The following TUBGCP2 variants were observed in gnomAD, a reference collection of about 807,000 sequenced individuals.
TUBGCP2 encodes tubulin gamma complex component 2, also known as gamma-tubulin complex component 2.
In TUBGCP2, 55 loss-of-function variants were observed where a neutral mutation model predicts 92.2. That is an observed-to-expected ratio of 0.60 (90% confidence interval 0.48 to 0.75). TUBGCP2 has a LOEUF of 0.75. Among genes scored for constraint, TUBGCP2 ranks in the 30% least tolerant of loss-of-function variants. The probability of loss-of-function intolerance (pLI) is 0.00; values close to 1 mark genes in which losing one functional copy is unlikely to be tolerated. For synonymous variants in TUBGCP2, 533 were observed against 505.2 expected, an observed-to-expected ratio of 1.06 and a Z score of -0.74; for missense variants, 1,093 against 1,188.9, an observed-to-expected ratio of 0.92 and a Z score of 1.19.
intron 2 of TUBGCP2, among the ~76,000 whole-genome samples, chr10:133,300,809 G>T (rs779247099): frequency 6.6e-6 from 1 of 152,146 alleles, no homozygotes; most frequent in Non-Finnish European, 1.5e-5. Context: ...GGAGAGTAGC[G>T]ACTTACACTT....
Position 133,288,990 on chromosome 10 carries a change from C to G in TUBGCP2, c.1391G>C (p.Gly464Ala). The stretch of plus-strand genomic sequence containing the variant: ...AGCCACCGGGCAGGTGACGTCATGG[C>G]CACACTCTCTGACCACATTTAGATA... ...GKYLNVVREC[G>A]HDVTCPVAKE... The change falls in exon 10 of 18, where the codon GGC becomes GCC. Residue 464 changes from glycine to alanine, a missense_variant. Around this residue, in one of 3 missense-constraint regions of TUBGCP2, gnomAD observed 598 missense variants for 675.5 expected, o/e 0.89. Transcript: ENST00000252936. The G allele has an allele frequency of 1.2e-6, 2 of 1,613,800 alleles. No homozygotes were observed. Among genetic ancestry groups the G allele is most frequent in the African/African-American group, 1.3e-5 (1 of 75,048 alleles).
At chr10:133,283,661 T>C (rs1413458879) in intron 14 of TUBGCP2, among the ~76,000 whole-genome samples, 1 of 151,978 alleles carries the variant, frequency 6.6e-6, no homozygotes, top group South Asian at 2.1e-4. Flanking sequence ...CTGCACTCCG[T>C]GTCTCCCTGC....
At chr10:133,284,271 T>C (rs1473990332) in intron 13 of TUBGCP2, among the ~76,000 whole-genome samples, 1 of 152,226 alleles carries the variant, frequency 6.6e-6, no homozygotes, top group African/African-American at 2.4e-5. Flanking sequence ...GCGGGCTCCT[T>C]GGTGGACGGA....
In TUBGCP2 at chr10:133,306,007, T is replaced by A. The variant is rs187881484; in HGVS notation, c.-40+2816A>T. Among the ~76,000 whole-genome samples the A allele has an allele frequency of 3.3e-5, 5 of 152,266 alleles. No homozygotes were observed. The East Asian group carries it at 7.7e-4, about 24-fold the overall frequency. On this transcript the variant is annotated intron_variant, in intron 1 of 17. Transcript: ENST00000252936. ...TGCGTAGAGCTGTGGTAGAGAGAAG[T>A]GAAATCACCCTGAGAAAGCACAGAA...
intron 2 of TUBGCP2, chr10:133,302,354 C>T: frequency 4.6e-6 from 1 of 219,628 alleles, no homozygotes. Context: ...GGCGCTCACC[C>T]TGCACCCCGC....
At chr10:133,310,114 G>C (rs375387190), upstream of TUBGCP2, 123 of 1,612,122 alleles carry the variant, frequency 7.6e-5, no homozygotes, top group Non-Finnish European at 9.7e-5. Flanking sequence ...GGGGCATGGC[G>C]GTGGGGGAGG....
chr10:133,294,824 C>T (rs1412079721), intron 5 of TUBGCP2, among the ~76,000 whole-genome samples: 1 of 150,124 alleles, frequency 6.7e-6, no homozygotes, highest in East Asian at 2.0e-4. Flanking sequence ...CCGTGTTGCC[C>T]AGGCTGGCAG....
At chr10:133,308,094 G>A (rs943147018) in intron 1 of TUBGCP2, among the ~76,000 whole-genome samples, 3 of 152,142 alleles carry the variant, frequency 2.0e-5, no homozygotes, top group Non-Finnish European at 4.4e-5. Flanking sequence ...CTCCAGCCTG[G>A]GTGACAGACG....
rs1175998582 is a variant in TUBGCP2, at chr10:133,293,542, G to A, written c.824+20C>T. ...CCCCCACAACAGCGCAGGCTCCCAG[G>A]GACCGCGCCCGGTGCCCACCTGGTC... On this transcript the variant is annotated intron_variant, in intron 6 of 17. Transcript: ENST00000252936. 3.9e-6 allele frequency: 6 copies of A among 1,549,204 alleles called. No individual in the cohort carries two copies. In the African/African-American group the frequency reaches 5.5e-5, roughly 14 times the overall value.
At position 133,293,786 on chromosome 10, in the gene TUBGCP2, C is replaced by A. The variant is rs111354094; in HGVS notation, c.617-17G>T. ...GCAACGTGCCTGCGGGCACAGACAG[C>A]GCTGTGGCTCTGCAGCCCCCACTCC... On this transcript the variant is annotated splice_polypyrimidine_tract_variant and intron_variant, in intron 5 of 17. Coordinates refer to ENST00000252936, the MANE Select transcript of TUBGCP2 (RefSeq NM_006659.4). 3 of 1,566,050 alleles carry A rather than the reference C, an allele frequency of 1.9e-6. No individual in the cohort carries two copies. The African/African-American group carries it at 4.0e-5, about 21-fold the overall frequency.
chr10:133,309,816 G>T, upstream of TUBGCP2: 9 of 1,613,602 alleles, frequency 5.6e-6, no homozygotes, highest in Non-Finnish European at 7.6e-6. Flanking sequence ...CTGCTGCCAG[G>T]TGTTCGATGC....
intron 14 of TUBGCP2, among the ~76,000 whole-genome samples, chr10:133,283,657 T>C: frequency 7.0e-6 from 1 of 143,864 alleles, no homozygotes; most frequent in African/African-American, 2.9e-5. Flanking sequence ...TCTCCTGCAC[T>C]CCGTGTCTCC....
chr10:133,283,953 T>C lies in TUBGCP2; in HGVS notation c.2074A>G (p.Asn692Asp). ...LRQRMLNFVQ[N>D]IQYYMMFEVM... ...TCAAACATCATGTAGTATTGAATAT[T>C]CTGGACGAAGTTGAGCATTCGCTGC... Residue 692 changes from asparagine to aspartate, a missense_variant, in exon 14 of 18, where the codon AAT (asparagine) becomes GAT (aspartate). Coordinates refer to ENST00000252936, the MANE Select transcript of TUBGCP2 (RefSeq NM_006659.4). The C allele has an allele frequency of 6.2e-7, 1 of 1,614,160 alleles. No individual in the cohort carries two copies. Among genetic ancestry groups the C allele is most frequent in the South Asian group, 1.1e-5 (1 of 91,086 alleles).
chr10:133,308,662 C>T (rs1847888576), intron 1 of TUBGCP2, 161 bp downstream of exon 1: 1 of 235,480 alleles, frequency 4.2e-6, no homozygotes, highest in Non-Finnish European at 8.2e-6. Context: ...GGTGCAGGCC[C>T]GAAGGGCTTC....
rs367854921 is a variant in TUBGCP2 at position 133,299,967 on chromosome 10, C to T, written c.279+18G>A. 9.9e-6 allele frequency: 16 copies of T among 1,612,790 alleles called. No individual in the cohort carries two copies. The African/African-American group carries it at 1.7e-4, about 18-fold the overall frequency. ...TGGGCCGTACGGGCGCAGTGTGGCA[C>T]GTGGCATGGGCACCTACCTCTTTGT... On this transcript the variant is annotated intron_variant, in intron 3 of 17. Transcript: ENST00000252936.
Position 133,281,381 on chromosome 10 carries a change from ATGG to A in TUBGCP2, c.2462_2464del (p.Thr821del), listed in dbSNP as rs1428292256. On this transcript the variant is annotated inframe_deletion, in exon 17 of 18. Transcript: ENST00000252936. ...TGAGAAGTTCTTGTCAAACTTGTTG[ATGG>A]TGGCCTCGAAGCCGGACACCAGCTG... 6.2e-7 allele frequency: 1 copy of A among 1,613,740 alleles called. No homozygotes were observed. Among genetic ancestry groups the A allele is most frequent in the Non-Finnish European group, 8.5e-7 (1 of 1,180,012 alleles).
chr10:133,298,551 G>A (rs147384297), intron 4 of TUBGCP2, among the ~76,000 whole-genome samples: 2,205 of 152,364 alleles, frequency 0.014, 24 homozygotes, highest in Non-Finnish European at 0.022. Flanking sequence ...TTACCCTGCC[G>A]GAGAAGGGCC....
intron 9 of TUBGCP2, among the ~76,000 whole-genome samples, chr10:133,289,412 C>T (rs957764692): frequency 2.0e-5 from 3 of 152,206 alleles, no homozygotes; most frequent in Non-Finnish European, 2.9e-5. Flanking sequence ...CAAGTCCCCG[C>T]GCCACTGCCC....
chr10:133,284,823 TCAC>T (rs1477677011), intron 13 of TUBGCP2, among the ~76,000 whole-genome samples: 1 of 152,174 alleles, frequency 6.6e-6, no homozygotes, highest in East Asian at 1.9e-4. Context: ...GCCCGTGCAG[TCAC>T]CACAAGGCTC....
Sources: gnomAD v4.1 joint callset for allele counts (sites outside exome capture counted in the v4.1 genomes callset) on GRCh38, gnomAD v4.1.1 for gene constraint, gnomAD v4.1.1 regional missense constraint, MANE v1.5 for transcripts, NCBI Gene and HGNC (gene_info 2026-07-23, HGNC 2026-07-21) for gene names.